Variants in SCN11A observed in about 807,000 individuals in gnomAD.
The protein encoded by SCN11A is sodium voltage-gated channel alpha subunit 11.
A neutral mutation model predicts 162.2 loss-of-function variants in SCN11A; 122 were observed. That is an observed-to-expected ratio of 0.75 (90% CI 0.65 to 0.87). SCN11A has a LOEUF of 0.87. SCN11A is among the 40% of genes least tolerant of loss of function. SCN11A has a pLI of 0.00. For missense variants in SCN11A, 2,015 were observed against 2,181.6 expected, an observed-to-expected ratio of 0.92 and a Z score of 1.52; for synonymous variants, 758 against 751.5, an observed-to-expected ratio of 1.01 and a Z score of -0.14.
intron 7 of SCN11A, among the ~76,000 whole-genome samples, chr3:38,932,361 C>A (rs1006688779): frequency 2.0e-5 from 3 of 152,180 alleles, no homozygotes; most frequent in Non-Finnish European, 4.4e-5. Flanking sequence ...GAGTGCCAGA[C>A]AGTGGATGCA....
intron 2 of SCN11A, among the ~76,000 whole-genome samples, chr3:38,999,392 C>A (rs992695780): frequency 2.0e-5 from 3 of 152,136 alleles, no homozygotes; most frequent in Non-Finnish European, 4.4e-5. Flanking sequence ...ACCTTCATAT[C>A]AAGATTTTAA....
At chr3:39,031,137 T>G (rs2031739146) in intron 2 of SCN11A, among the ~76,000 whole-genome samples, 1 of 152,240 alleles carries the variant, frequency 6.6e-6, no homozygotes, top group Non-Finnish European at 1.5e-5. Context: ...CTTCTCAGTG[T>G]GTTCAGAAAT....
At chr3:39,026,178 G>C (rs1164550569) in intron 2 of SCN11A, 1 of 152,016 alleles carries the variant, frequency 6.6e-6, no homozygotes, top group African/African-American at 2.4e-5. Context: ...ATCACATACT[G>C]ATCTGTCATT....
rs2066082939 is a variant in SCN11A, at chr3:38,923,277, G to A, written c.713-2022C>T. On this transcript the variant is annotated intron_variant, in intron 9 of 29. Coordinates refer to ENST00000302328, the MANE Select transcript of SCN11A (RefSeq NM_001349253.2). ...CTTGGTCCTCTTCTATTCTCCATCA[G>A]TGCTTATTCCCTTGGTGATCTCTTT... Among the ~76,000 whole-genome samples the A allele has an allele frequency of 2.6e-5, 4 of 152,050 alleles. No homozygotes were observed. The South Asian group carries it at 8.3e-4, about 32-fold the overall frequency.
intron 14 of SCN11A, among the ~76,000 whole-genome samples, chr3:38,907,310 A>ATGTG (rs141158768): frequency 4.9e-4 from 58 of 119,234 alleles, no homozygotes; most frequent in African/African-American, 2.0e-3. Context: ...ACCAACATAT[A>ATGTG]TGTGTGTGTG....
At chr3:38,903,357 C>A (rs2065734637) in intron 16 of SCN11A, among the ~76,000 whole-genome samples, 1 of 152,134 alleles carries the variant, frequency 6.6e-6, no homozygotes, top group Non-Finnish European at 1.5e-5. Context: ...TTGAAGCAGG[C>A]TCAAGTCTGG....
chr3:38,847,554 G>T lies in SCN11A; in HGVS notation c.4516C>A (p.Leu1506Met), dbSNP rs749096524. 6.2e-7 allele frequency: 1 copy of T among 1,614,174 alleles called. No individual in the cohort carries two copies. ...SLFNIGLLLF[L>M]IMFIYAILGM... is the part of the protein sequence containing the mutation. ...AGAATGGCATAGATAAACATAATCA[G>T]AAAGAGTAGAAGACCAATGTTGAAC... The change falls in exon 30 of 30, where the codon CTG (leucine) becomes ATG (methionine). Residue 1506 changes from leucine (L) to methionine (M), a missense_variant. Transcript: ENST00000302328.
intron 7 of SCN11A, among the ~76,000 whole-genome samples, chr3:38,932,772 T>C (rs925919235): frequency 1.1e-4 from 17 of 152,344 alleles, no homozygotes; most frequent in African/African-American, 4.1e-4. Context: ...CCTGCCTCTG[T>C]AGGCTCCACC....
chr3:38,936,858 T>C (rs2066340651), intron 7 of SCN11A, among the ~76,000 whole-genome samples: 1 of 152,084 alleles, frequency 6.6e-6, no homozygotes, highest in South Asian at 2.1e-4. Context: ...CTTCACAGAA[T>C]AGGAAAAAAC....
chr3:39,035,649 T>G (rs1434568944), intron 1 of SCN11A, among the ~76,000 whole-genome samples: 2 of 149,254 alleles, frequency 1.3e-5, no homozygotes, highest in East Asian at 3.9e-4. Flanking sequence ...CATGGAAGGT[T>G]TTTTTTTTTA....
intron 9 of SCN11A, among the ~76,000 whole-genome samples, chr3:38,925,003 T>G (rs2066115065): frequency 6.6e-6 from 1 of 152,090 alleles, no homozygotes; most frequent in African/African-American, 2.4e-5. Flanking sequence ...ATGACAACTA[T>G]CGTGATCACT....
chr3:38,869,718 C>T (rs548370469), intron 26 of SCN11A, among the ~76,000 whole-genome samples: 70 of 152,250 alleles, frequency 4.6e-4, no homozygotes, highest in African/African-American at 1.7e-3. Context: ...TCTGAAAATC[C>T]GAAGTCTCAA....
intron 7 of SCN11A, among the ~76,000 whole-genome samples, chr3:38,943,064 T>A (rs2066464130): frequency 6.6e-6 from 1 of 151,992 alleles, no homozygotes; most frequent in Non-Finnish European, 1.5e-5. Context: ...CTGGAAATAA[T>A]GCAAATGTGC....
At chr3:39,026,109 A>G (rs2031581215) in intron 2 of SCN11A, 1 of 151,716 alleles carries the variant, frequency 6.6e-6, no homozygotes, top group Admixed American at 6.6e-5. Flanking sequence ...ATTATGTGTC[A>G]ATTAAAAATA....
intron 2 of SCN11A, among the ~76,000 whole-genome samples, chr3:38,972,172 G>T (rs1253400326): frequency 3.3e-5 from 5 of 152,218 alleles, no homozygotes; most frequent in African/African-American, 1.2e-4. Context: ...AAATCCTGCT[G>T]CAGAGAAGAG....
chr3:38,868,678 G>C (rs1310330684), intron 26 of SCN11A, among the ~76,000 whole-genome samples: 1 of 152,170 alleles, frequency 6.6e-6, no homozygotes, highest in Non-Finnish European at 1.5e-5. Flanking sequence ...TGTGTGTCCT[G>C]ATTATCCCTC....
chr3:38,955,462 T>C (rs1209136201), intron 3 of SCN11A, among the ~76,000 whole-genome samples: 1 of 152,184 alleles, frequency 6.6e-6, no homozygotes, highest in African/African-American at 2.4e-5. Flanking sequence ...CTTTAATAAG[T>C]AAACTCAGGA....
At chr3:38,917,610 A>T (rs2125544800) in intron 11 of SCN11A, among the ~76,000 whole-genome samples, 1 of 152,344 alleles carries the variant, frequency 6.6e-6, no homozygotes, top group Admixed American at 6.5e-5. Flanking sequence ...TGAGAGATAA[A>T]TGATGAGAAC....
intron 14 of SCN11A, among the ~76,000 whole-genome samples, chr3:38,905,700 T>C (rs145994561): frequency 3.2e-4 from 48 of 152,230 alleles, no homozygotes; most frequent in African/African-American, 1.1e-3. Context: ...AGGTAAGAAG[T>C]GGAGTATAAA....
Sources: gnomAD v4.1 joint callset for allele counts (sites outside exome capture counted in the v4.1 genomes callset) on GRCh38, gnomAD v4.1.1 for gene constraint, MANE v1.5 for transcripts, NCBI Gene and HGNC (gene_info 2026-07-23, HGNC 2026-07-21) for gene names.